The following NFIC variants were observed in gnomAD, a reference collection of about 807,000 sequenced individuals.
NFIC encodes nuclear factor I C, also known as nuclear factor 1 C-type.
In NFIC, 12 loss-of-function variants were observed where a neutral mutation model predicts 54.4. The ratio of observed to expected loss-of-function variants is 0.22; its 90% CI spans 0.14 to 0.36. NFIC has a LOEUF of 0.36. NFIC is among the 10% of genes least tolerant of loss of function. The pLI is 1.00. For missense variants in NFIC, 575 were observed against 718.2 expected (o/e 0.80, Z 2.28); for synonymous variants, 322 against 319.2 (o/e 1.01, Z -0.09).
intron 1 of NFIC, among the ~76,000 whole-genome samples, chr19:3,368,913 CTGT>C (rs1282759799): frequency 2.0e-5 from 3 of 146,958 alleles, no homozygotes; most frequent in Non-Finnish European, 3.0e-5. Flanking sequence ...TGCTCTGACT[CTGT>C]GTGTGTGTGT....
At chr19:3,367,356 A>T (rs1470145359) in intron 1 of NFIC, among the ~76,000 whole-genome samples, 1 of 146,540 alleles carries the variant, frequency 6.8e-6, no homozygotes, top group Non-Finnish European at 1.6e-5. Context: ...TCGATTCTGG[A>T]TTCTGGATTC....
At chr19:3,392,263 G>T (rs1308172339) in intron 2 of NFIC, among the ~76,000 whole-genome samples, 8 of 151,982 alleles carry the variant, frequency 5.3e-5, no homozygotes, top group East Asian at 1.9e-4. Flanking sequence ...GTAGAGCGGG[G>T]GTTTCACTAT....
intron 6 of NFIC, among the ~76,000 whole-genome samples, chr19:3,435,562 A>G (rs2082188051): frequency 6.6e-6 from 1 of 152,114 alleles, no homozygotes; most frequent in South Asian, 2.1e-4. Context: ...CTGTCATAGA[A>G]TCCCTCGTCT....
intron 3 of NFIC, among the ~76,000 whole-genome samples, chr19:3,425,589 A>T (rs1000635047): frequency 1.3e-5 from 2 of 152,050 alleles, no homozygotes; most frequent in African/African-American, 4.8e-5. Flanking sequence ...TCTCCCAAGT[A>T]GCTGGGATTA....
intron 2 of NFIC, among the ~76,000 whole-genome samples, chr19:3,424,003 ATTTTATTTATTTTG>A (rs2081990898): frequency 3.9e-5 from 6 of 152,094 alleles, no homozygotes; most frequent in African/African-American, 7.2e-5. Context: ...ACCTCATTTT[ATTTTATTTATTTTG>A]TTTTATTTAT....
chr19:3,406,764 C>T (rs1025608198), intron 2 of NFIC, among the ~76,000 whole-genome samples: 5 of 152,034 alleles, frequency 3.3e-5, no homozygotes, highest in African/African-American at 1.2e-4. Flanking sequence ...TGTGAGGAGG[C>T]GAAAACTCAA....
At chr19:3,447,535 G>A (rs910584132) in intron 6 of NFIC, among the ~76,000 whole-genome samples, 5 of 152,176 alleles carry the variant, frequency 3.3e-5, no homozygotes, top group Non-Finnish European at 7.3e-5. Flanking sequence ...CAGCTGGGTG[G>A]CTGACGTTCC....
intron 2 of NFIC, among the ~76,000 whole-genome samples, chr19:3,405,169 G>A (rs1200605961): frequency 6.6e-6 from 1 of 152,240 alleles, no homozygotes; most frequent in Non-Finnish European, 1.5e-5. Context: ...AGAGGGAGAT[G>A]GAAAGTATGG....
chr19:3,400,674 C>T (rs1402635521), intron 2 of NFIC, among the ~76,000 whole-genome samples: 1 of 152,072 alleles, frequency 6.6e-6, no homozygotes, highest in Non-Finnish European at 1.5e-5. Context: ...AACCCCGTTC[C>T]TACTAAAAAT....
chr19:3,450,949 G>T (rs1013916819), intron 7 of NFIC, among the ~76,000 whole-genome samples: 6 of 152,188 alleles, frequency 3.9e-5, no homozygotes, highest in Non-Finnish European at 8.8e-5. Flanking sequence ...CTCTCACCCT[G>T]TCTTGGCAGG....
At chr19:3,426,922 A>T (rs1351621512) in intron 3 of NFIC, among the ~76,000 whole-genome samples, 14 of 146,712 alleles carry the variant, frequency 9.5e-5, no homozygotes, top group Admixed American at 9.5e-4. Flanking sequence ...GGCTACCCTC[A>T]ATCTTTTTTT....
In NFIC at chr19:3,459,212, G is replaced by T. The variant is rs1041701664; in HGVS notation, c.1509+2577G>T. ...CCTGGGTGGGCGCGCCTTTCCCTCT[G>T]CCTCTCCGGCTCCCGACACCCCCCA... On this transcript the variant is annotated intron_variant, in intron 10 of 10. Coordinates refer to ENST00000443272, the MANE Select transcript of NFIC (RefSeq NM_001245002.2). This position sits in a 1 kb window ranked among gnomAD's most constrained non-coding sequence, Gnocchi z 4.2. Among the ~76,000 whole-genome samples the T allele has an allele frequency of 3.4e-5, 5 of 146,378 alleles. No homozygotes were observed. Among genetic ancestry groups the T allele is most frequent in the Non-Finnish European group, 7.5e-5 (5 of 66,820 alleles).
At chr19:3,366,547 T>TGGGGGGGGGGGGGGGGGGGGTGGGGGG, upstream of NFIC, 1 of 353,242 alleles carries the variant, frequency 2.8e-6, no homozygotes, top group Non-Finnish European at 3.9e-6. Context: ...GGGGGGGGGT[T>TGGGGGGGGGGGGGGGGGGGGTGGGGGG]GGGGGGGGCG....
At chr19:3,371,321 A>ACTTTTTTTTTTTT (rs1555739022) in intron 1 of NFIC, 1 of 124,532 alleles carries the variant, frequency 8.0e-6, no homozygotes. Flanking sequence ...AGGCAGCACA[A>ACTTTTTTTTTTTT]TTTTTTTTTT....
intron 1 of NFIC, among the ~76,000 whole-genome samples, chr19:3,371,881 CTCCT>C (rs758286013): frequency 0.087 from 8,575 of 99,076 alleles, 488 homozygotes; most frequent in Non-Finnish European, 0.094. Context: ...TTCTTTCTCT[CTCCT>C]TCCTTCCTTC....
chr19:3,388,254 A>G (rs1240214774), intron 2 of NFIC, among the ~76,000 whole-genome samples: 1 of 152,300 alleles, frequency 6.6e-6, no homozygotes, highest in African/African-American at 2.4e-5. Flanking sequence ...GGAGTTCCCC[A>G]GCGCTTCCTG....
intron 3 of NFIC, among the ~76,000 whole-genome samples, chr19:3,429,132 A>T (rs1162791315): frequency 3.1e-4 from 21 of 67,432 alleles, no homozygotes; most frequent in African/African-American, 1.1e-3. Context: ...CCAAAAAAAA[A>T]ATATACACAC....
chr19:3,412,268 G>T (rs1374320229), intron 2 of NFIC, among the ~76,000 whole-genome samples: 1 of 151,974 alleles, frequency 6.6e-6, no homozygotes, highest in Non-Finnish European at 1.5e-5. Flanking sequence ...TTTTTGTAGA[G>T]ATGGGGTCTT....
At chr19:3,382,637 G>A (rs548814898) in intron 2 of NFIC, among the ~76,000 whole-genome samples, 2 of 151,798 alleles carry the variant, frequency 1.3e-5, no homozygotes, top group East Asian at 3.9e-4. Context: ...GAGGAGGCTG[G>A]TGCGTGTAGA....
Sources: gnomAD v4.1 joint callset for allele counts (sites outside exome capture counted in the v4.1 genomes callset) on GRCh38, gnomAD v4.1.1 for gene constraint, Gnocchi (gnomAD v3.1) non-coding constraint, MANE v1.5 for transcripts, NCBI Gene and HGNC (gene_info 2026-07-23, HGNC 2026-07-21) for gene names.